DLGAP2: variants seen among roughly 807,000 people sequenced by gnomAD.
DLGAP2 encodes disks large-associated protein 2.
In DLGAP2, 26 loss-of-function variants were observed where a neutral mutation model predicts 100.3. That is an observed-to-expected ratio of 0.26 (90% CI 0.19 to 0.36). The LOEUF (loss-of-function observed/expected upper bound fraction) is 0.36. DLGAP2 is among the 10% of genes least tolerant of loss of function. DLGAP2 has a pLI of 1.00. For missense variants in DLGAP2, 1,858 were observed against 1,453.2 expected (o/e 1.28, Z -4.53); for synonymous variants, 886 against 630.1 (o/e 1.41, Z -6.08).
At chr8:1,142,053 A>C (rs146373197) in intron 2 of DLGAP2, among the ~76,000 whole-genome samples, 2 of 148,316 alleles carry the variant, frequency 1.3e-5, no homozygotes, top group Non-Finnish European at 3.0e-5. Flanking sequence ...AGAAGTGTCC[A>C]TATTCTGCCT....
chr8:1,683,952 GTGTA>G (rs1238183348), intron 12 of DLGAP2, among the ~76,000 whole-genome samples: 17 of 20,346 alleles, frequency 8.4e-4, no homozygotes, highest in Middle Eastern at 0.021. Flanking sequence ...ATATATATGT[GTGTA>G]TATATATATA....
chr8:988,129 G>C (rs981407823), intron 2 of DLGAP2, among the ~76,000 whole-genome samples: 1 of 152,072 alleles, frequency 6.6e-6, no homozygotes, highest in Non-Finnish European at 1.5e-5. Flanking sequence ...TGGTTTTCAC[G>C]TTCTTATAGG....
chr8:917,181 G>A (rs987912626), intron 2 of DLGAP2, among the ~76,000 whole-genome samples: 1 of 151,992 alleles, frequency 6.6e-6, no homozygotes, highest in African/African-American at 2.4e-5. Context: ...ACCCACTAAG[G>A]TTTGGACATC....
At chr8:974,297 G>T (rs1208325860) in intron 2 of DLGAP2, among the ~76,000 whole-genome samples, 1 of 152,288 alleles carries the variant, frequency 6.6e-6, no homozygotes, top group East Asian at 1.9e-4. Flanking sequence ...GTACAGAGGG[G>T]TAAGGATAAG....
At chr8:1,657,761 T>G (rs1054337824) in intron 8 of DLGAP2, among the ~76,000 whole-genome samples, 1 of 152,228 alleles carries the variant, frequency 6.6e-6, no homozygotes, top group Non-Finnish European at 1.5e-5. Flanking sequence ...CAATTTTTAT[T>G]TAACCAGGAC....
At position 1,556,838 on chromosome 8, in the gene DLGAP2, A is replaced by T. The variant is rs558394344; in HGVS notation, c.1230+7155A>T. On this transcript the variant is annotated intron_variant, in intron 5 of 14. Coordinates refer to ENST00000637795, the MANE Select transcript of DLGAP2 (RefSeq NM_001346810.2). ...CCACCCAAGCTAAATTGTTGTAGGGACACCAGGGTGGATTTGAGCAGCATC... is the reference window on the plus strand; with the variant it reads ...CCACCCAAGCTAAATTGTTGTAGGGTCACCAGGGTGGATTTGAGCAGCATC... 6.6e-5 allele frequency among the ~76,000 whole-genome samples: 10 copies of T among 152,344 alleles called. 2 individuals are homozygous for T. The South Asian group carries it at 2.1e-3, about 32-fold the overall frequency.
At chr8:1,125,995 C>A (rs1435911137) in intron 2 of DLGAP2, among the ~76,000 whole-genome samples, 1 of 152,256 alleles carries the variant, frequency 6.6e-6, no homozygotes, top group Non-Finnish European at 1.5e-5. Context: ...TCCATGGACA[C>A]TTCCGGCTCT....
chr8:1,532,017 G>C (rs1469260802), intron 4 of DLGAP2, among the ~76,000 whole-genome samples: 1 of 152,212 alleles, frequency 6.6e-6, no homozygotes, highest in Non-Finnish European at 1.5e-5. Flanking sequence ...GTTCCGTCCA[G>C]AGGGGGTTCC....
At chr8:1,436,150 C>G (rs921434695) in intron 3 of DLGAP2, among the ~76,000 whole-genome samples, 1 of 152,114 alleles carries the variant, frequency 6.6e-6, no homozygotes, top group Non-Finnish European at 1.5e-5. Context: ...GAACTCCCAC[C>G]ACAAGCCGTC....
chr8:918,938 C>T (rs10088041), intron 2 of DLGAP2, among the ~76,000 whole-genome samples: 61,353 of 151,762 alleles, frequency 0.4, 12,956 homozygotes, highest in Admixed American at 0.54. Flanking sequence ...TTTTTTGTTG[C>T]TGTTGTTGTT....
intron 3 of DLGAP2, among the ~76,000 whole-genome samples, chr8:1,473,221 G>A (rs537721850): frequency 5.9e-5 from 9 of 152,290 alleles, no homozygotes; most frequent in South Asian, 2.1e-4. Flanking sequence ...GTGAGCCACC[G>A]TGCCCAGCCC....
intron 6 of DLGAP2, among the ~76,000 whole-genome samples, chr8:1,608,985 A>G (rs1796911676): frequency 6.6e-6 from 1 of 151,736 alleles, no homozygotes; most frequent in Non-Finnish European, 1.5e-5. Flanking sequence ...TATCCAGGAG[A>G]ACTTCCCCAA....
chr8:966,309 A>C (rs1012174634), intron 2 of DLGAP2, among the ~76,000 whole-genome samples: 1 of 152,210 alleles, frequency 6.6e-6, no homozygotes, highest in Non-Finnish European at 1.5e-5. Context: ...AACTTTGAAC[A>C]CTTGATCAGA....
chr8:960,743 C>T (rs1799706524), intron 2 of DLGAP2, among the ~76,000 whole-genome samples: 1 of 152,128 alleles, frequency 6.6e-6, no homozygotes, highest in Non-Finnish European at 1.5e-5. Context: ...CCCGATAAAC[C>T]TATTGTAAGT....
At chr8:1,207,319 C>G (rs1798017777) in intron 2 of DLGAP2, among the ~76,000 whole-genome samples, 1 of 152,202 alleles carries the variant, frequency 6.6e-6, no homozygotes, top group Admixed American at 6.5e-5. Flanking sequence ...TGTAAGTGAG[C>G]ACATACAATG....
chr8:1,306,329 G>A (rs187628516), intron 3 of DLGAP2, among the ~76,000 whole-genome samples: 188 of 152,034 alleles, frequency 1.2e-3, no homozygotes, highest in Non-Finnish European at 1.7e-3. Context: ...GTAAATAATT[G>A]CATTTATAAT....
intron 3 of DLGAP2, among the ~76,000 whole-genome samples, chr8:1,343,301 T>G (rs1472147487): frequency 6.6e-6 from 1 of 152,130 alleles, no homozygotes; most frequent in Non-Finnish European, 1.5e-5. Context: ...GTCTCTCCCG[T>G]GGAGTCACAC....
chr8:1,655,373 C>A (rs1798259929), intron 8 of DLGAP2, among the ~76,000 whole-genome samples: 1 of 152,170 alleles, frequency 6.6e-6, no homozygotes, highest in Non-Finnish European at 1.5e-5. Flanking sequence ...TCCTTTTATG[C>A]TATCATCCTT....
At chr8:1,146,226 A>G (rs138614129) in intron 2 of DLGAP2, among the ~76,000 whole-genome samples, 188 of 152,292 alleles carry the variant, frequency 1.2e-3, no homozygotes, top group Non-Finnish European at 2.1e-3. Context: ...AACTTCCTGG[A>G]TGCTCGGTCA....
Sources: allele counts gnomAD v4.1 joint callset (sites outside exome capture counted in the v4.1 genomes callset), GRCh38; gene constraint gnomAD v4.1.1; transcripts MANE v1.5; gene names NCBI Gene and HGNC (gene_info 2026-07-23, HGNC 2026-07-21).